Variants in LRRIQ1 observed in about 807,000 individuals in gnomAD.
The protein encoded by LRRIQ1 is leucine-rich repeat- and IQ domain-containing protein 1.
Under a neutral mutation model 211.9 loss-of-function variants are expected in LRRIQ1, and 210 were observed. That is an observed-to-expected ratio of 0.99 (90% CI 0.89 to 1.11). The LOEUF (loss-of-function observed/expected upper bound fraction) is 1.11. Ranked by LOEUF, LRRIQ1 falls within the 50% of genes most tolerant of loss-of-function variation. The pLI is 0.00. For synonymous variants in LRRIQ1, 699 were observed against 650.1 expected, an observed-to-expected ratio of 1.08 and a Z score of -1.14; for missense variants, 2,136 against 1,939.5, an observed-to-expected ratio of 1.10 and a Z score of -1.90.
rs1555228697 is a variant in LRRIQ1 at position 85,236,855 on chromosome 12, A to ATC, written c.5016+4102_5016+4103dup. 3.5e-5 allele frequency among the ~76,000 whole-genome samples: 5 copies of ATC among 144,744 alleles called. No homozygotes were observed. In the South Asian group the frequency reaches 1.1e-3, roughly 31 times the overall value. 95.0% of individuals were successfully genotyped at this position (144,744 alleles called of 152,430 possible). A position where few individuals can be genotyped will look rare whatever the true frequency, so the allele number is the denominator to read the frequency against. ...CATATATATATATATATATATATAT[A>ATC]TCTCCCAGATTATTTTTACATACAG... On this transcript the variant is annotated intron_variant, in intron 26 of 26. Coordinates refer to ENST00000393217, the MANE Select transcript of LRRIQ1 (RefSeq NM_001079910.2).
intron 3 of LRRIQ1, among the ~76,000 whole-genome samples, chr12:85,040,815 A>G (rs1878792748): frequency 6.6e-6 from 1 of 151,350 alleles, no homozygotes; most frequent in African/African-American, 2.4e-5. Context: ...AGTAAATACC[A>G]TCAGCATTTT....
At chr12:85,263,043 G>A in exon 2 of LRRIQ1, 1 of 987,946 alleles carries the variant, frequency 1.0e-6, no homozygotes, top group Non-Finnish European at 1.2e-6. Flanking sequence ...CAAAAAGAAG[G>A]CGAACATTTC....
intron 24 of LRRIQ1, among the ~76,000 whole-genome samples, chr12:85,216,798 G>A (rs1349516433): frequency 6.6e-6 from 1 of 151,634 alleles, no homozygotes; most frequent in African/African-American, 2.4e-5. Flanking sequence ...GACCTCATTT[G>A]TAAATTTCAT....
intron 1 of LRRIQ1, among the ~76,000 whole-genome samples, chr12:85,255,290 G>A (rs994603720): frequency 3.3e-5 from 5 of 151,762 alleles, no homozygotes; most frequent in African/African-American, 9.7e-5. Flanking sequence ...TGTAAGTGAT[G>A]CCATTCTACT....
At position 85,077,987 on chromosome 12, in the gene LRRIQ1, C is replaced by CA. The variant is rs113365373; in HGVS notation, c.2887+4903dup. 1.3e-3 allele frequency among the ~76,000 whole-genome samples: 188 copies of CA among 144,366 alleles called. 1 individual carries two copies. Among genetic ancestry groups the CA allele is most frequent in the East Asian group, 2.7e-3 (13 of 4,872 alleles). 94.7% of individuals were successfully genotyped at this position (144,366 alleles called of 152,430 possible). Reference sequence around the variant, plus strand: ...TGGGCACCAGAACGAGACCCTGTCTCAAAAAAAAAAAAAATTGATTAAAGA... The same window carrying CA: ...TGGGCACCAGAACGAGACCCTGTCTCAAAAAAAAAAAAAAATTGATTAAAGA... On this transcript the variant is annotated intron_variant, in intron 11 of 26. Transcript: ENST00000393217.
intron 9 of LRRIQ1, 55 bp downstream of exon 9, chr12:85,065,469 A>G: frequency 7.4e-7 from 1 of 1,358,444 alleles, no homozygotes; most frequent in Non-Finnish European, 9.8e-7. Flanking sequence ...AAATGGATTT[A>G]TGTTTACATT....
At position 85,057,166 on chromosome 12, in the gene LRRIQ1, T is replaced by C. The variant is rs1881218399; in HGVS notation, c.2373T>C (p.Pro791=). Residue 791 remains proline, a synonymous_variant, in exon 8 of 27, where the codon CCT becomes CCC. Coordinates refer to ENST00000393217, the MANE Select transcript of LRRIQ1 (RefSeq NM_001079910.2). ...LDKLEILRCG[P]WDTLQQVTTV... Reference sequence around the variant, plus strand: ...AACTGGAAATTCTTCGATGTGGCCCTTGGGATACTTTACAGCAGGTATTTC... The same window carrying C: ...AACTGGAAATTCTTCGATGTGGCCCCTGGGATACTTTACAGCAGGTATTTC... The C allele has an allele frequency of 2.0e-6, 3 of 1,518,966 alleles. No homozygotes were observed. The highest frequency in any genetic ancestry group is 1.8e-6 in the Non-Finnish European group (2 of 1,135,694). 94.1% of individuals were successfully genotyped at this position (1,518,966 alleles called of 1,614,324 possible).
intron 24 of LRRIQ1, among the ~76,000 whole-genome samples, chr12:85,218,705 G>A (rs1894266100): frequency 6.6e-6 from 1 of 152,008 alleles, no homozygotes; most frequent in Non-Finnish European, 1.5e-5. Context: ...AAATGAGGTA[G>A]TGTGACAGCC....
chr12:85,187,069 T>C (rs1892260829), intron 24 of LRRIQ1, among the ~76,000 whole-genome samples: 1 of 152,086 alleles, frequency 6.6e-6, no homozygotes. Context: ...CTTCAGAACA[T>C]ACTATAATTA....
downstream of LRRIQ1, among the ~76,000 whole-genome samples, chr12:85,264,694 T>C (rs571168794): frequency 5.3e-5 from 8 of 152,212 alleles, no homozygotes; most frequent in South Asian, 1.7e-3. Context: ...TTAACTAATA[T>C]TTGTTTTTAA....
chr12:85,111,598 GA>G (rs1887179781), intron 15 of LRRIQ1, among the ~76,000 whole-genome samples: 1 of 152,062 alleles, frequency 6.6e-6, no homozygotes, highest in Non-Finnish European at 1.5e-5. Context: ...GCCACACTAA[GA>G]AAATATTAAC....
chr12:85,150,582 G>A (rs989843139), intron 19 of LRRIQ1, among the ~76,000 whole-genome samples: 16 of 151,560 alleles, frequency 1.1e-4, no homozygotes, highest in African/African-American at 2.4e-4. Context: ...ATAAATGGCC[G>A]TATCTTTTTT....
chr12:85,081,458 T>G (rs1408738069), intron 11 of LRRIQ1, among the ~76,000 whole-genome samples: 2 of 149,684 alleles, frequency 1.3e-5, no homozygotes, highest in African/African-American at 2.5e-5. Context: ...CTTTTTTTTT[T>G]GTCATTTCTT....
chr12:85,229,445 C>T, intron 24 of LRRIQ1, 72 bp from the exon 25 acceptor site: 1 of 1,256,312 alleles, frequency 8.0e-7, no homozygotes, highest in Non-Finnish European at 1.1e-6. Flanking sequence ...AAATGTTTAG[C>T]ACAGATGGAA....
At chr12:85,048,788 GTA>G (rs1016433726) in intron 6 of LRRIQ1, among the ~76,000 whole-genome samples, 6 of 152,056 alleles carry the variant, frequency 3.9e-5, no homozygotes, top group African/African-American at 1.4e-4. Flanking sequence ...TATTGGAGTA[GTA>G]TTTGTTGGTT....
chr12:85,153,062 T>C lies in LRRIQ1; in HGVS notation c.4458T>C (p.Asn1486=). 8 of 1,584,004 alleles carry C rather than the reference T, an allele frequency of 5.1e-6. No homozygotes were observed. Among genetic ancestry groups the C allele is most frequent in the Non-Finnish European group, 6.9e-6 (8 of 1,159,492 alleles). ...TAAAATGGGATGATACTTCATTTAATTTACCAAGTAATCCAGCTCAAGCAT... is the reference window on the plus strand; with the variant it reads ...TAAAATGGGATGATACTTCATTTAACTTACCAAGTAATCCAGCTCAAGCAT... The part of the protein sequence containing the change: ...GNLKWDDTSF[N]LPSNPAQAWL... Residue 1486 remains asparagine (N), a synonymous_variant, in exon 21 of 27, where the codon AAT becomes AAC. Coordinates refer to ENST00000393217, the MANE Select transcript of LRRIQ1 (RefSeq NM_001079910.2).
chr12:85,133,554 T>C (rs1245299634), intron 18 of LRRIQ1, among the ~76,000 whole-genome samples: 2 of 152,094 alleles, frequency 1.3e-5, no homozygotes, highest in African/African-American at 2.4e-5. Flanking sequence ...GCTGCTGAAA[T>C]AGATGGTGAG....
At chr12:85,150,884 T>G (rs989811827) in intron 19 of LRRIQ1, among the ~76,000 whole-genome samples, 1 of 151,794 alleles carries the variant, frequency 6.6e-6, no homozygotes, top group South Asian at 2.1e-4. Context: ...CATGAGATTT[T>G]GAAATATGTA....
intron 24 of LRRIQ1, among the ~76,000 whole-genome samples, chr12:85,193,260 C>G (rs1892701103): frequency 8.0e-6 from 1 of 124,490 alleles, no homozygotes; most frequent in Non-Finnish European, 1.6e-5. Context: ...AGGATATTAT[C>G]CAGGAGAACT....
Sources: allele counts gnomAD v4.1 joint callset (sites outside exome capture counted in the v4.1 genomes callset), GRCh38; gene constraint gnomAD v4.1.1; transcripts MANE v1.5; gene names NCBI Gene and HGNC (gene_info 2026-07-23, HGNC 2026-07-21).